Variants in FPR3 observed in about 807,000 individuals in gnomAD.
FPR3 encodes N-formyl peptide receptor 3.
For missense variants in FPR3, 346 were observed against 443.2 expected (o/e 0.78, Z 1.97); for synonymous variants, 135 against 163.6 (o/e 0.83, Z 1.34).
chr19:51,806,456 G>A (rs1363244133), intron 1 of FPR3, among the ~76,000 whole-genome samples: 3 of 152,038 alleles, frequency 2.0e-5, no homozygotes, highest in South Asian at 2.1e-4. Context: ...CTTACCATCC[G>A]TACCAGGAGT....
intron 1 of FPR3, among the ~76,000 whole-genome samples, chr19:51,799,918 G>A (rs1370255949): frequency 1.3e-5 from 2 of 152,236 alleles, no homozygotes; most frequent in African/African-American, 2.4e-5. Flanking sequence ...GAGAGAGCTG[G>A]CCAGGATGCT....
chr19:51,798,088 G>A (rs914077389), intron 1 of FPR3, among the ~76,000 whole-genome samples: 1 of 151,860 alleles, frequency 6.6e-6, no homozygotes, highest in Non-Finnish European at 1.5e-5. Flanking sequence ...GGGGAAAATG[G>A]GGGCTCAAAG....
intron 1 of FPR3, among the ~76,000 whole-genome samples, chr19:51,804,269 G>A (rs1327120590): frequency 6.6e-6 from 1 of 151,944 alleles, no homozygotes; most frequent in Non-Finnish European, 1.5e-5. Flanking sequence ...AAAAAAAGAG[G>A]AACTTTAAAT....
At chr19:51,814,709 G>A (rs529157403) in intron 1 of FPR3, among the ~76,000 whole-genome samples, 100 of 152,292 alleles carry the variant, frequency 6.6e-4, no homozygotes, top group African/African-American at 2.2e-3. Context: ...GGCCAGGCTG[G>A]TCTTGAACTC....
At chr19:51,815,567 T>TG (rs113012667) in intron 1 of FPR3, among the ~76,000 whole-genome samples, 1 of 143,938 alleles carries the variant, frequency 6.9e-6, no homozygotes, top group African/African-American at 2.6e-5. Flanking sequence ...AGACTCTGTC[T>TG]AAAAAAAAAA....
chr19:51,811,066 C>A (rs915503944), intron 1 of FPR3, among the ~76,000 whole-genome samples: 1 of 151,596 alleles, frequency 6.6e-6, no homozygotes, highest in Non-Finnish European at 1.5e-5. Flanking sequence ...GTGAGTGGGA[C>A]AACAGATTCT....
chr19:51,809,299 C>CA (rs1407896162), intron 1 of FPR3, among the ~76,000 whole-genome samples: 1 of 152,234 alleles, frequency 6.6e-6, no homozygotes, highest in Non-Finnish European at 1.5e-5. Context: ...GCTGTTCCTA[C>CA]TCCCACTAGG....
chr19:51,811,016 T>G (rs2084092981), intron 1 of FPR3, among the ~76,000 whole-genome samples: 1 of 152,170 alleles, frequency 6.6e-6, no homozygotes, highest in South Asian at 2.1e-4. Flanking sequence ...TAGGCCAATT[T>G]TTATCCTCCC....
chr19:51,798,148 C>A (rs2084010626), intron 1 of FPR3, among the ~76,000 whole-genome samples: 1 of 151,948 alleles, frequency 6.6e-6, no homozygotes, highest in Non-Finnish European at 1.5e-5. Flanking sequence ...GAGATAAGAT[C>A]AGAGTAGAGA....
rs377717478 is a variant in FPR3, at chr19:51,799,518, G to A, written c.-11+4187G>A. Among the ~76,000 whole-genome samples the A allele has an allele frequency of 3.9e-5, 6 of 152,314 alleles. No individual in the cohort carries two copies. The South Asian group carries it at 1.0e-3, about 26-fold the overall frequency. On this transcript the variant is annotated intron_variant, in intron 1 of 1. Coordinates refer to ENST00000339223, the MANE Select transcript of FPR3 (RefSeq NM_002030.5). ...CACAATCCCAATGTCTGTGTGTGTG[G>A]ATGACTCACGCACTTCCTGCATCAG...
chr19:51,808,315 T>C (rs916814241), intron 1 of FPR3, among the ~76,000 whole-genome samples: 1 of 152,220 alleles, frequency 6.6e-6, no homozygotes, highest in Non-Finnish European at 1.5e-5. Flanking sequence ...GTAACAATAG[T>C]TCCTAAGTAT....
rs1568425575 is a variant in FPR3, at chr19:51,795,504, C to CCT, written c.-11+173_-11+174insCT. ...TTTGGTTACATGTTCCAGTAACATTCTTTTTTTTTTTTTTTTTTTTTTTTT... is the reference window on the plus strand; with the variant it reads ...TTTGGTTACATGTTCCAGTAACATTCCTTTTTTTTTTTTTTTTTTTTTTTTTT... On this transcript the variant is annotated intron_variant, in intron 1 of 1. Transcript: ENST00000339223. Among the ~76,000 whole-genome samples the CCT allele has an allele frequency of 3.3e-4, 25 of 74,744 alleles. 1 individual carries two copies. The highest frequency in any genetic ancestry group is 4.8e-4 in the Admixed American group (3 of 6,246). The allele number at this position is 74,744 out of a possible 152,430, so 49.0% of individuals were successfully genotyped here.
chr19:51,809,583 C>T (rs377023410), intron 1 of FPR3, among the ~76,000 whole-genome samples: 5 of 152,298 alleles, frequency 3.3e-5, no homozygotes, highest in African/African-American at 1.2e-4. Flanking sequence ...CAGCTCAAAA[C>T]CCAAAGATCT....
intron 1 of FPR3, among the ~76,000 whole-genome samples, chr19:51,822,441 G>C (rs2084197399): frequency 6.6e-6 from 1 of 152,176 alleles, no homozygotes; most frequent in Non-Finnish European, 1.5e-5. Flanking sequence ...TTATTTGTGG[G>C]GGGAGGGGGC....
intron 1 of FPR3, among the ~76,000 whole-genome samples, chr19:51,798,781 C>A (rs1422634001): frequency 6.6e-6 from 1 of 152,148 alleles, no homozygotes; most frequent in Non-Finnish European, 1.5e-5. Flanking sequence ...TAATTGCTAT[C>A]ATTCTTAAAG....
At position 51,823,962 on chromosome 19, in the gene FPR3, TTC is replaced by T. The variant is rs1376917203; in HGVS notation, c.218_219del (p.Ser73PhefsTer26). The T allele has an allele frequency of 1.2e-6, 2 of 1,614,138 alleles. No individual in the cohort carries two copies. Among genetic ancestry groups the T allele is most frequent in the Admixed American group, 3.3e-5 (2 of 60,024 alleles). ...TTACCTGAACCTGGCCCTAGCTGAC[TTC>T]TCTTTCAGTGCCATCCTACCATTCC... The part of the protein sequence containing the change: ...ICYLNLALAD[F>X]SFSAILPFRM... On this transcript the variant is annotated frameshift_variant, in exon 2 of 2. Transcript: ENST00000339223. LOFTEE classifies it low-confidence loss of function (END_TRUNC).
At chr19:51,823,656 A>T in intron 1 of FPR3, 83 bp from the exon 2 acceptor site, 1 of 1,050,990 alleles carries the variant, frequency 9.5e-7, no homozygotes, top group Non-Finnish European at 1.4e-6. Flanking sequence ...TGGTAGGAGG[A>T]GGAGCTACAG....
chr19:51,802,085 A>G (rs2084029204), intron 1 of FPR3, among the ~76,000 whole-genome samples: 1 of 152,246 alleles, frequency 6.6e-6, no homozygotes, highest in Admixed American at 6.5e-5. Flanking sequence ...GCCCAATAGA[A>G]GTTGAAACAG....
Position 51,823,947 on chromosome 19 carries a change from C to T in FPR3, c.199C>T (p.Leu67=). The T allele has an allele frequency of 2.5e-6, 4 of 1,614,100 alleles. No homozygotes were observed. The highest frequency in any genetic ancestry group is 3.4e-6 in the Non-Finnish European group (4 of 1,179,994). The change falls in exon 2 of 2, where the codon CTG becomes TTG. Residue 67 remains leucine (L), a synonymous_variant. Coordinates refer to ENST00000339223, the MANE Select transcript of FPR3 (RefSeq NM_002030.5). ...RTVNTICYLN[L]ALADFSFSAI... is the part of the protein sequence containing the mutation. ...AGTCAACACCATCTGTTACCTGAACCTGGCCCTAGCTGACTTCTCTTTCAG... is the reference window on the plus strand; with the variant it reads ...AGTCAACACCATCTGTTACCTGAACTTGGCCCTAGCTGACTTCTCTTTCAG...
Sources: allele counts gnomAD v4.1 joint callset (sites outside exome capture counted in the v4.1 genomes callset), GRCh38; gene constraint gnomAD v4.1.1; transcripts MANE v1.5; gene names NCBI Gene and HGNC (gene_info 2026-07-23, HGNC 2026-07-21).